Variants in SETD2 observed in about 807,000 individuals in gnomAD.
SETD2 encodes the protein histone-lysine N-methyltransferase SETD2.
SETD2 carries 31 observed loss-of-function variants against 242.1 expected under a neutral mutation model. The ratio of observed to expected loss-of-function variants is 0.13; its 90% confidence interval spans 0.10 to 0.17. The LOEUF (loss-of-function observed/expected upper bound fraction) is 0.17, where lower values mean the gene tolerates loss of function less well. SETD2 is among the 10% of genes least tolerant of loss of function. The probability of loss-of-function intolerance (pLI) is 1.00; values close to 1 mark genes in which losing one functional copy is unlikely to be tolerated. For missense variants in SETD2, 2,481 were observed against 3,046.3 expected, an observed-to-expected ratio of 0.81 and a Z score of 4.37; for synonymous variants, 1,006 against 1,066.5, an observed-to-expected ratio of 0.94 and a Z score of 1.11.
intron 3 of SETD2, among the ~76,000 whole-genome samples, chr3:47,117,216 A>G (rs906230355): frequency 6.6e-6 from 1 of 150,960 alleles, no homozygotes; most frequent in Non-Finnish European, 1.5e-5. Context: ...TAAAACATCT[A>G]ATTATTAGTA....
At position 47,164,000 on chromosome 3, in the gene SETD2, CG is replaced by C; in HGVS notation, c.-77del. 4.9e-6 allele frequency: 6 copies of C among 1,234,098 alleles called. No individual in the cohort carries two copies. Among genetic ancestry groups the C allele is most frequent in the Non-Finnish European group, 6.1e-6 (6 of 986,974 alleles). 76.4% of individuals were successfully genotyped at this position (1,234,098 alleles called of 1,614,324 possible). ...CGCGGGGGAGGGGAGGGGAGGAGGC[CG>C]CAGGTCCGACCGCGGCGGCGGCGGC... On this transcript the variant is annotated 5_prime_UTR_variant, in exon 1 of 21. Coordinates refer to ENST00000409792, the MANE Select transcript of SETD2 (RefSeq NM_014159.7).
intron 5 of SETD2, among the ~76,000 whole-genome samples, chr3:47,113,562 C>T (rs2042738659): frequency 6.6e-6 from 1 of 152,038 alleles, no homozygotes; most frequent in South Asian, 2.1e-4. Context: ...AGCCCAGGCG[C>T]GACGGCTCAC....
At chr3:47,078,035 A>T (rs1381185671) in intron 12 of SETD2, among the ~76,000 whole-genome samples, 1 of 152,248 alleles carries the variant, frequency 6.6e-6, no homozygotes, top group Non-Finnish European at 1.5e-5. Context: ...AAACAAAGTA[A>T]AAGGAATAAT....
intron 18 of SETD2, among the ~76,000 whole-genome samples, chr3:47,034,340 C>T (rs184710039): frequency 2.3e-4 from 35 of 152,230 alleles, no homozygotes; most frequent in South Asian, 1.7e-3. Context: ...CGTTCCCTTT[C>T]GTTTTTATAC....
intron 15 of SETD2, chr3:47,046,924 GAAAATT>G (rs1021992027): frequency 6.1e-5 from 11 of 179,258 alleles, no homozygotes; most frequent in Non-Finnish European, 1.0e-4. Flanking sequence ...GAATGACATT[GAAAATT>G]AAACAGGTGG....
At chr3:47,047,590 C>G (rs2039588073) in intron 15 of SETD2, among the ~76,000 whole-genome samples, 2 of 152,168 alleles carry the variant, frequency 1.3e-5, no homozygotes, top group Non-Finnish European at 2.9e-5. Context: ...CCAGTAAAAA[C>G]TCAAGTAGTC....
At chr3:47,070,128 T>A (rs2040756553) in intron 12 of SETD2, among the ~76,000 whole-genome samples, 1 of 152,232 alleles carries the variant, frequency 6.6e-6, no homozygotes. Context: ...ATTTATTACA[T>A]AGGCCTCAAG....
At chr3:47,067,635 G>C (rs949255683) in intron 12 of SETD2, among the ~76,000 whole-genome samples, 22 of 151,834 alleles carry the variant, frequency 1.4e-4, no homozygotes, top group African/African-American at 5.1e-4. Flanking sequence ...GGCTGGTCTC[G>C]AACTCCTGGG....
chr3:47,147,347 T>C (rs1403192153), intron 1 of SETD2, among the ~76,000 whole-genome samples: 17 of 121,134 alleles, frequency 1.4e-4, no homozygotes, highest in South Asian at 7.9e-4. Flanking sequence ...TTTTGAGACA[T>C]AGTCTCACCC....
Position 47,163,893 on chromosome 3 carries a change from T to C in SETD2, c.32A>G (p.Lys11Arg). 7.6e-7 allele frequency: 1 copy of C among 1,318,468 alleles called. No individual in the cohort carries two copies. Among genetic ancestry groups the C allele is most frequent in the South Asian group, 3.0e-5 (1 of 33,534 alleles). The allele number at this position is 1,318,468 out of a possible 1,614,324, so 81.7% of individuals were successfully genotyped here. Residue 11 changes from lysine (K) to arginine (R), a missense_variant, in exon 1 of 21, where the codon AAG becomes AGG. Lys to Arg is a conservative substitution (Grantham distance 26). This residue lies in a region of SETD2 where 334 missense variants were observed against 374.5 expected (regional missense o/e 0.89). Coordinates refer to ENST00000409792, the MANE Select transcript of SETD2 (RefSeq NM_014159.7). Reference sequence around the variant, plus strand: ...CTCCGGGTCGTAGAAATCCCCCATCTTCGGAGGCGGCTGCGGCTGCAGCTG... The same window carrying C: ...CTCCGGGTCGTAGAAATCCCCCATCCTCGGAGGCGGCTGCGGCTGCAGCTG... MKQLQPQPPP[K>R]MGDFYDPEHP...
At chr3:47,156,875 G>A (rs2044138052) in intron 1 of SETD2, among the ~76,000 whole-genome samples, 1 of 152,168 alleles carries the variant, frequency 6.6e-6, no homozygotes, top group Non-Finnish European at 1.5e-5. Context: ...GCTGGGCACG[G>A]TGGCTCACAT....
At chr3:47,151,827 CAAAA>C (rs11360089) in intron 1 of SETD2, among the ~76,000 whole-genome samples, 8 of 99,904 alleles carry the variant, frequency 8.0e-5, no homozygotes, top group Admixed American at 1.0e-4. Context: ...ACTCTTGTCT[CAAAA>C]AAAAAAAAAA....
chr3:47,030,551 A>T (rs1470712662), intron 18 of SETD2, among the ~76,000 whole-genome samples: 1 of 152,200 alleles, frequency 6.6e-6, no homozygotes, highest in African/African-American at 2.4e-5. Flanking sequence ...GAAAACTACC[A>T]ATCATGGATC....
At chr3:47,033,546 G>T (rs2038869281) in intron 18 of SETD2, among the ~76,000 whole-genome samples, 1 of 150,816 alleles carries the variant, frequency 6.6e-6, no homozygotes, top group Admixed American at 6.6e-5. Flanking sequence ...TGAGTATAGA[G>T]AAGTTAATCT....
chr3:47,129,333 A>G (rs867058172), intron 1 of SETD2, among the ~76,000 whole-genome samples: 3 of 152,270 alleles, frequency 2.0e-5, no homozygotes, highest in Non-Finnish European at 2.9e-5. Flanking sequence ...ATTACAAACA[A>G]GCAAAAGAAA....
intron 1 of SETD2, among the ~76,000 whole-genome samples, chr3:47,152,037 T>A (rs2043997599): frequency 6.6e-6 from 1 of 152,184 alleles, no homozygotes; most frequent in South Asian, 2.1e-4. Flanking sequence ...CACAAACTGC[T>A]AATCTGCCAA....
intron 1 of SETD2, among the ~76,000 whole-genome samples, chr3:47,157,104 A>G (rs2044142815): frequency 6.6e-6 from 1 of 152,174 alleles, no homozygotes; most frequent in Non-Finnish European, 1.5e-5. Flanking sequence ...CCCCATCTCT[A>G]CAAACAAAAT....
At chr3:47,043,054 A>G (rs1475397908) in intron 16 of SETD2, among the ~76,000 whole-genome samples, 1 of 151,852 alleles carries the variant, frequency 6.6e-6, no homozygotes, top group Admixed American at 6.6e-5. Flanking sequence ...AAAAAAAGAA[A>G]AACCAAAAAA....
Position 47,101,152 on chromosome 3 carries a change from T to C in SETD2, c.5015+306A>G, listed in dbSNP as rs1394129014. 2.0e-5 allele frequency among the ~76,000 whole-genome samples: 3 copies of C among 151,988 alleles called. No individual in the cohort carries two copies. The East Asian group carries it at 5.8e-4, about 29-fold the overall frequency. The stretch of plus-strand genomic sequence containing the variant: ...GGATACAGAGGAATTTATAATACTG[T>C]ACTATTCTCTTCAGACACAAAAAGA... On this transcript the variant is annotated intron_variant, in intron 8 of 20. Coordinates refer to ENST00000409792, the MANE Select transcript of SETD2 (RefSeq NM_014159.7).
Sources: allele counts gnomAD v4.1 joint callset (sites outside exome capture counted in the v4.1 genomes callset), GRCh38; gene constraint gnomAD v4.1.1; regional missense constraint gnomAD v4.1.1; transcripts MANE v1.5; gene names NCBI Gene and HGNC (gene_info 2026-07-23, HGNC 2026-07-21).